The following UBXN2B variants were observed in gnomAD, a reference collection of about 807,000 sequenced individuals.
UBXN2B encodes UBX domain protein 2B.
Under a neutral mutation model 37.5 loss-of-function variants are expected in UBXN2B, and 19 were observed. The ratio of observed to expected loss-of-function variants is 0.51; its 90% CI spans 0.35 to 0.74. The LOEUF is 0.74. Among genes scored for constraint, UBXN2B ranks in the 30% least tolerant of loss-of-function variants. UBXN2B has a pLI of 0.01. For synonymous variants in UBXN2B, 145 were observed against 143.8 expected (o/e 1.01, Z -0.06); for missense variants, 370 against 393.2 (o/e 0.94, Z 0.50).
At position 58,446,204 on chromosome 8, in the gene UBXN2B, A is replaced by G. The variant is rs1333719169; in HGVS notation, c.833+136A>G. Reference sequence around the variant, plus strand: ...TACTTTTGAAGTAAGTTTTTGACAGAAGAAACATTTTTAAAAGGACAATAG... The same window carrying G: ...TACTTTTGAAGTAAGTTTTTGACAGGAGAAACATTTTTAAAAGGACAATAG... On this transcript the variant is annotated intron_variant, in intron 7 of 7. Coordinates refer to ENST00000399598, the MANE Select transcript of UBXN2B (RefSeq NM_001077619.2). 6.5e-6 allele frequency: 6 copies of G among 926,194 alleles called. No individual in the cohort carries two copies. In the East Asian group the frequency reaches 1.5e-4, roughly 23 times the overall value. The allele number at this position is 926,194 out of a possible 1,614,324, so 57.4% of individuals were successfully genotyped here.
intron 1 of UBXN2B, 144 bp from the exon 2 acceptor site, chr8:58,416,706 G>A (rs1585593201): frequency 9.2e-6 from 5 of 545,964 alleles, no homozygotes; most frequent in African/African-American, 7.7e-5. Flanking sequence ...GTTTATTTCA[G>A]AAAGGAATCA....
rs769798926 is a variant in UBXN2B, at chr8:58,419,567, A to C, written c.188+2614A>C. Among the ~76,000 whole-genome samples, 63 of 152,216 alleles carry C rather than the reference A, an allele frequency of 4.1e-4. 1 individual carries two copies. Among genetic ancestry groups the C allele is most frequent in the Admixed American group, 2.0e-4 (3 of 15,276 alleles). On this transcript the variant is annotated intron_variant, in intron 2 of 7. Transcript: ENST00000399598. The stretch of plus-strand genomic sequence containing the variant: ...GTTAAATATCACAATCAGAACTTGG[A>C]TATGTCCTCCACAAGTCATTGTATA...
At chr8:58,426,689 C>G (rs1483720868) in intron 2 of UBXN2B, 2 of 719,038 alleles carry the variant, frequency 2.8e-6, no homozygotes, top group Admixed American at 3.5e-5. Flanking sequence ...ATGTCATGTT[C>G]CTCCCACATT....
At chr8:58,446,987 G>A (rs752095493) in intron 7 of UBXN2B, among the ~76,000 whole-genome samples, 12 of 151,030 alleles carry the variant, frequency 7.9e-5, no homozygotes, top group Admixed American at 6.6e-4. Flanking sequence ...TAGTAGAGAC[G>A]GGGTTTTCAC....
chr8:58,415,130 A>C (rs1309763189), intron 1 of UBXN2B, among the ~76,000 whole-genome samples: 1 of 152,118 alleles, frequency 6.6e-6, no homozygotes, highest in African/African-American at 2.4e-5. Context: ...GTACACAAGT[A>C]ATGACAACAT....
chr8:58,433,604 A>C (rs1027771507), intron 4 of UBXN2B, among the ~76,000 whole-genome samples: 3 of 143,902 alleles, frequency 2.1e-5, no homozygotes, highest in Non-Finnish European at 4.5e-5. Flanking sequence ...GCCAGACCCT[A>C]TCTCTTTAAA....
At chr8:58,422,545 A>G (rs1752776315) in intron 2 of UBXN2B, among the ~76,000 whole-genome samples, 1 of 152,282 alleles carries the variant, frequency 6.6e-6, no homozygotes, top group South Asian at 2.1e-4. Context: ...TTAAGGTGGA[A>G]CATTAGCAAA....
At chr8:58,432,140 T>G (rs1035372682) in intron 3 of UBXN2B, among the ~76,000 whole-genome samples, 2 of 152,218 alleles carry the variant, frequency 1.3e-5, no homozygotes, top group African/African-American at 4.8e-5. Flanking sequence ...ATGCTTTTGC[T>G]GTATTGTCTA....
At position 58,430,680 on chromosome 8, in the gene UBXN2B, A is replaced by C. The variant is rs764954680; in HGVS notation, c.339+11A>C. Reference sequence around the variant, plus strand: ...GATGATAAATCTAAGGTCAGTGCTCAATTTTAAACTAAATACATTGTTTCT... The same window carrying C: ...GATGATAAATCTAAGGTCAGTGCTCCATTTTAAACTAAATACATTGTTTCT... On this transcript the variant is annotated intron_variant, in intron 3 of 7. Transcript: ENST00000399598. 2 of 1,472,416 alleles carry C rather than the reference A, an allele frequency of 1.4e-6. No homozygotes were observed. Among genetic ancestry groups the C allele is most frequent in the African/African-American group, 2.9e-5 (2 of 70,112 alleles). 91.2% of individuals were successfully genotyped at this position (1,472,416 alleles called of 1,614,324 possible).
chr8:58,421,390 A>T (rs1454364887), intron 2 of UBXN2B, among the ~76,000 whole-genome samples: 2 of 151,256 alleles, frequency 1.3e-5, no homozygotes, highest in African/African-American at 4.9e-5. Flanking sequence ...TGTCTTTTTT[A>T]AAAAAACCCA....
chr8:58,443,199 AC>A (rs1456885670), intron 6 of UBXN2B, among the ~76,000 whole-genome samples: 1 of 151,970 alleles, frequency 6.6e-6, no homozygotes, highest in African/African-American at 2.4e-5. Context: ...AGAAAATAGA[AC>A]CTGACGGGAA....
intron 4 of UBXN2B, among the ~76,000 whole-genome samples, chr8:58,433,993 A>C (rs1200895467): frequency 6.6e-6 from 1 of 152,130 alleles, no homozygotes. Flanking sequence ...CTTAGGATGA[A>C]TATTTAAGCT....
At chr8:58,439,836 G>A in intron 6 of UBXN2B, 66 bp downstream of exon 6, 1 of 1,526,038 alleles carries the variant, frequency 6.6e-7, no homozygotes, top group Admixed American at 2.3e-5. Flanking sequence ...AATAAGAAAA[G>A]CAAAATGACC....
intron 3 of UBXN2B, among the ~76,000 whole-genome samples, chr8:58,432,532 G>A (rs984663918): frequency 1.3e-5 from 2 of 151,588 alleles, no homozygotes; most frequent in Non-Finnish European, 2.9e-5. Flanking sequence ...ACAGGCACCC[G>A]CCACCACACC....
At chr8:58,429,100 C>T (rs900715836) in intron 2 of UBXN2B, among the ~76,000 whole-genome samples, 10 of 152,258 alleles carry the variant, frequency 6.6e-5, no homozygotes, top group East Asian at 1.9e-4. Context: ...AAATCATTTG[C>T]TATGACCGAT....
intron 2 of UBXN2B, among the ~76,000 whole-genome samples, chr8:58,420,748 A>C (rs13281822): frequency 1.3e-5 from 2 of 152,060 alleles, no homozygotes; most frequent in Non-Finnish European, 2.9e-5. Flanking sequence ...ATGACCCACT[A>C]AAACCAACTG....
At chr8:58,447,293 G>A (rs1023957772) in intron 7 of UBXN2B, 96 bp from the exon 8 acceptor site, 1 of 1,169,530 alleles carries the variant, frequency 8.6e-7, no homozygotes, top group Non-Finnish European at 1.2e-6. Context: ...TTTATATAAA[G>A]ATTAAAATTT....
intron 1 of UBXN2B, among the ~76,000 whole-genome samples, chr8:58,415,997 A>C (rs1807770447): frequency 6.6e-6 from 1 of 150,416 alleles, no homozygotes; most frequent in African/African-American, 2.5e-5. Flanking sequence ...TAAAAGGAGC[A>C]TTTTAATCTG....
chr8:58,445,981 T>G lies in UBXN2B; in HGVS notation c.746T>G (p.Leu249Arg). ...EDKSILNAVV[L>R]IDDSVPTTKI... Reference sequence around the variant, plus strand: ...AAATCAATACTTAATGCAGTTGTTCTTATTGATGATTCAGTGCCAACAACA... The same window carrying G: ...AAATCAATACTTAATGCAGTTGTTCGTATTGATGATTCAGTGCCAACAACA... Residue 249 changes from leucine (L) to arginine (R), a missense_variant, in exon 7 of 8, where the codon CTT becomes CGT. Coordinates refer to ENST00000399598, the MANE Select transcript of UBXN2B (RefSeq NM_001077619.2). 6.2e-7 allele frequency: 1 copy of G among 1,613,448 alleles called. No homozygotes were observed. The highest frequency in any genetic ancestry group is 8.5e-7 in the Non-Finnish European group (1 of 1,179,740).
Sources: allele counts gnomAD v4.1 joint callset (sites outside exome capture counted in the v4.1 genomes callset), GRCh38; gene constraint gnomAD v4.1.1; transcripts MANE v1.5; gene names NCBI Gene and HGNC (gene_info 2026-07-23, HGNC 2026-07-21).